Variants in NOS1 observed in about 807,000 individuals in gnomAD.
NOS1 encodes the protein NOS type I.
Under a neutral mutation model 164.5 loss-of-function variants are expected in NOS1, and 51 were observed. That is an observed-to-expected ratio of 0.31 (90% CI 0.25 to 0.39). The LOEUF is 0.39. Ranked by LOEUF, NOS1 falls within the 10% of genes least tolerant of loss-of-function variation. The pLI is 1.00. For missense variants in NOS1, 1,362 were observed against 1,885.6 expected, an observed-to-expected ratio of 0.72 and a Z score of 5.14; for synonymous variants, 719 against 745.8, an observed-to-expected ratio of 0.96 and a Z score of 0.59.
At chr12:117,344,219 C>G (rs1477605290) in intron 1 of NOS1, among the ~76,000 whole-genome samples, 1 of 152,316 alleles carries the variant, frequency 6.6e-6, no homozygotes, top group East Asian at 1.9e-4. Context: ...CACCACAGGT[C>G]TGCTTTCATC....
intron 1 of NOS1, among the ~76,000 whole-genome samples, chr12:117,354,807 T>C (rs1876786918): frequency 6.6e-6 from 1 of 152,172 alleles, no homozygotes; most frequent in African/African-American, 2.4e-5. Flanking sequence ...GCCTCTCTTG[T>C]GGGGACTGGC....
At position 117,249,403 on chromosome 12, in the gene NOS1, T is replaced by G. The variant is rs530984065; in HGVS notation, c.2649-1881A>C. ...TGACCTGGAACCACTGGTTGTTTCT[T>G]GCATGCTTCTAAGCTGGACCAATTG... On this transcript the variant is annotated intron_variant, in intron 17 of 28. Transcript: ENST00000317775. Among the ~76,000 whole-genome samples, 10 of 152,326 alleles carry G rather than the reference T, an allele frequency of 6.6e-5. No individual in the cohort carries two copies. The South Asian group carries it at 2.1e-3, about 32-fold the overall frequency.
chr12:117,328,246 C>A (rs1211745788), intron 2 of NOS1, among the ~76,000 whole-genome samples: 2 of 152,194 alleles, frequency 1.3e-5, no homozygotes, highest in Admixed American at 6.5e-5. Flanking sequence ...TCTCGGCTCA[C>A]TGCAACCTCT....
intron 1 of NOS1, among the ~76,000 whole-genome samples, chr12:117,361,134 C>G (rs1473495182): frequency 6.6e-6 from 1 of 152,054 alleles, no homozygotes; most frequent in African/African-American, 2.4e-5. Flanking sequence ...CACCTGACGC[C>G]GAGCCGGGCA....
At chr12:117,352,534 G>A (rs1876673161) in intron 1 of NOS1, among the ~76,000 whole-genome samples, 1 of 152,134 alleles carries the variant, frequency 6.6e-6, no homozygotes, top group Admixed American at 6.5e-5. Context: ...AATGAGCACC[G>A]CCAAAGAGGG....
intron 8 of NOS1, among the ~76,000 whole-genome samples, chr12:117,278,963 T>G (rs1873405302): frequency 6.6e-6 from 1 of 150,480 alleles, no homozygotes; most frequent in African/African-American, 2.4e-5. Flanking sequence ...TCAATATGAG[T>G]GTATTTAAAT....
intron 1 of NOS1, among the ~76,000 whole-genome samples, chr12:117,334,994 CT>C (rs1285336253): frequency 1.3e-5 from 2 of 152,156 alleles, no homozygotes; most frequent in Non-Finnish European, 2.9e-5. Context: ...TTTATTTTCT[CT>C]AAACCTCAGT....
chr12:117,242,857 C>T (rs1870298064), intron 19 of NOS1, 152 bp from the exon 20 acceptor site: 7 of 669,124 alleles, frequency 1.0e-5, no homozygotes, highest in Non-Finnish European at 1.9e-5. Flanking sequence ...TCAAGACCAG[C>T]CTGGGAAACA....
chr12:117,360,048 T>C (rs1262214006), intron 1 of NOS1, among the ~76,000 whole-genome samples: 3 of 150,084 alleles, frequency 2.0e-5, no homozygotes, highest in Non-Finnish European at 4.4e-5. Flanking sequence ...ATTTTACAGA[T>C]GAGAAACTGA....
intron 3 of NOS1, among the ~76,000 whole-genome samples, chr12:117,294,460 C>T (rs566891641): frequency 2.6e-5 from 4 of 152,288 alleles, no homozygotes; most frequent in South Asian, 2.1e-4. Context: ...TGCCACCCTC[C>T]GCCCTGGGTT....
At chr12:117,315,028 A>T (rs1593016356) in intron 2 of NOS1, among the ~76,000 whole-genome samples, 3 of 152,248 alleles carry the variant, frequency 2.0e-5, no homozygotes, top group African/African-American at 7.2e-5. Flanking sequence ...TACCTAGGCA[A>T]CTTGGAAATG....
intron 20 of NOS1, among the ~76,000 whole-genome samples, chr12:117,240,781 A>C (rs1315494679): frequency 1.3e-5 from 2 of 152,224 alleles, no homozygotes; most frequent in Non-Finnish European, 2.9e-5. Flanking sequence ...CAGACCACCT[A>C]AATGACTTGG....
At chr12:117,247,956 A>G (rs988326005) in intron 17 of NOS1, among the ~76,000 whole-genome samples, 2 of 150,640 alleles carry the variant, frequency 1.3e-5, no homozygotes, top group Admixed American at 6.6e-5. Flanking sequence ...AAAAAAAAAA[A>G]AAAAGAAAAG....
intron 2 of NOS1, among the ~76,000 whole-genome samples, chr12:117,314,414 T>A (rs1173921925): frequency 4.6e-5 from 7 of 152,222 alleles, no homozygotes; most frequent in Non-Finnish European, 7.3e-5. Flanking sequence ...GTTAATGCAT[T>A]TGGAGCCTCT....
chr12:117,284,245 T>G (rs959426635), intron 7 of NOS1, among the ~76,000 whole-genome samples: 10 of 152,174 alleles, frequency 6.6e-5, no homozygotes, highest in Admixed American at 5.9e-4. Flanking sequence ...TAGTGCTCAG[T>G]GGCTGGGAAC....
chr12:117,250,425 T>C (rs1046496766), intron 17 of NOS1, among the ~76,000 whole-genome samples: 1 of 151,194 alleles, frequency 6.6e-6, no homozygotes, highest in African/African-American at 2.4e-5. Flanking sequence ...GCCTCCCAGG[T>C]TCAAGTAATT....
Position 117,208,422 on chromosome 12 carries a change from G to GTGTGTGTGTGTGTGTGTGTGTGTGTGT in NOS1, c.*6886_*6887insACACACACACACACACACACACACACA. 1 of 1,275,064 alleles carries GTGTGTGTGTGTGTGTGTGTGTGTGTGT rather than the reference G, an allele frequency of 7.8e-7. No homozygotes were observed. The highest frequency in any genetic ancestry group is 1.3e-5 in the South Asian group (1 of 79,834). The allele number at this position is 1,275,064 out of a possible 1,614,324, so 79.0% of individuals were successfully genotyped here. Reference sequence around the variant, plus strand: ...TGTGTGTGTGTGTGTGTGTGTGTGTGGTGAGATGCGACCAGGTCTGCCCAC... The same window carrying GTGTGTGTGTGTGTGTGTGTGTGTGTGT: ...TGTGTGTGTGTGTGTGTGTGTGTGTGTGTGTGTGTGTGTGTGTGTGTGTGTGTGTGAGATGCGACCAGGTCTGCCCAC... On this transcript the variant is annotated 3_prime_UTR_variant, in exon 29 of 29. Coordinates refer to ENST00000317775, the MANE Select transcript of NOS1 (RefSeq NM_000620.5).
chr12:117,343,552 C>T (rs979327180), intron 1 of NOS1, among the ~76,000 whole-genome samples: 2 of 152,086 alleles, frequency 1.3e-5, no homozygotes, highest in Admixed American at 6.6e-5. Context: ...TTTGTGAAAT[C>T]GAAACAGTAA....
intron 1 of NOS1, among the ~76,000 whole-genome samples, chr12:117,360,918 G>C (rs1027076172): frequency 1.3e-4 from 20 of 152,104 alleles, no homozygotes; most frequent in African/African-American, 4.6e-4. Flanking sequence ...GGAACGACTA[G>C]GGTCTTGCAA....
Sources: gnomAD v4.1 joint callset for allele counts (sites outside exome capture counted in the v4.1 genomes callset) on GRCh38, gnomAD v4.1.1 for gene constraint, MANE v1.5 for transcripts, NCBI Gene and HGNC (gene_info 2026-07-23, HGNC 2026-07-21) for gene names.